Variants in SLC4A10 observed in about 807,000 individuals in gnomAD.
The protein encoded by SLC4A10 is sodium-driven chloride bicarbonate exchanger.
A neutral mutation model predicts 137.7 loss-of-function variants in SLC4A10; 42 were observed. The ratio of observed to expected loss-of-function variants is 0.30; its 90% CI spans 0.24 to 0.39. The LOEUF (loss-of-function observed/expected upper bound fraction) is 0.39, where lower values mean the gene tolerates loss of function less well. Ranked by LOEUF, SLC4A10 falls within the 10% of genes least tolerant of loss-of-function variation. The probability of loss-of-function intolerance (pLI) is 1.00; values close to 1 mark genes in which losing one functional copy is unlikely to be tolerated. For synonymous variants in SLC4A10, 474 were observed against 464.1 expected, an observed-to-expected ratio of 1.02 and a Z score of -0.27; for missense variants, 925 against 1,355.0, an observed-to-expected ratio of 0.68 and a Z score of 4.98.
chr2:161,646,971 T>C (rs1264045875), intron 1 of SLC4A10, among the ~76,000 whole-genome samples: 1 of 152,070 alleles, frequency 6.6e-6, no homozygotes, highest in Non-Finnish European at 1.5e-5. Context: ...TCCTCATTTA[T>C]TCGCAGTTCT....
chr2:161,738,792 G>A (rs1336634841), intron 1 of SLC4A10, among the ~76,000 whole-genome samples: 10 of 152,050 alleles, frequency 6.6e-5, no homozygotes, highest in Non-Finnish European at 1.5e-4. Flanking sequence ...ATTAGGTTTA[G>A]CCACTGTGCT....
intron 3 of SLC4A10, among the ~76,000 whole-genome samples, chr2:161,823,524 C>T (rs573759811): frequency 1.3e-5 from 2 of 152,314 alleles, no homozygotes; most frequent in South Asian, 2.1e-4. Context: ...AATATAACCA[C>T]GGAACCCGTA....
intron 16 of SLC4A10, 132 bp from the exon 17 acceptor site, chr2:161,947,434 T>C: frequency 1.1e-6 from 1 of 892,566 alleles, no homozygotes; most frequent in Non-Finnish European, 1.6e-6. Flanking sequence ...TAATGCCTGC[T>C]AAATCATTGT....
chr2:161,722,950 C>T (rs553883019), intron 1 of SLC4A10, among the ~76,000 whole-genome samples: 1 of 152,306 alleles, frequency 6.6e-6, no homozygotes, highest in South Asian at 2.1e-4. Flanking sequence ...GCAGTCTGGC[C>T]ACAATCTGCC....
rs768619828 is a variant in SLC4A10 at position 161,950,719 on chromosome 2, G to T, written c.2412G>T (p.Thr804=). Residue 804 remains threonine (T), a synonymous_variant, in exon 19 of 27, where the codon ACG becomes ACT. Coordinates refer to ENST00000446997, the MANE Select transcript of SLC4A10 (RefSeq NM_001178015.2). ...PTRDDRGWFV[T]PLGPNPWWTV... ...GAGATGATCGTGGCTGGTTTGTTAC[G>T]CCTTTAGGTCCAAACCCATGGTGGA... 6.3e-7 allele frequency: 1 copy of T among 1,592,570 alleles called. No homozygotes were observed. Among genetic ancestry groups the T allele is most frequent in the Non-Finnish European group, 8.6e-7 (1 of 1,168,536 alleles).
At chr2:161,897,436 A>C (rs1035491263) in intron 11 of SLC4A10, among the ~76,000 whole-genome samples, 1 of 152,002 alleles carries the variant, frequency 6.6e-6, no homozygotes, top group East Asian at 1.9e-4. Context: ...GGTCTAATTG[A>C]CCCAGCCCTG....
intron 1 of SLC4A10, among the ~76,000 whole-genome samples, chr2:161,756,299 C>T (rs1257773341): frequency 6.6e-6 from 1 of 151,852 alleles, no homozygotes; most frequent in Non-Finnish European, 1.5e-5. Flanking sequence ...ATCTAAGTTG[C>T]CAATATGAGA....
intron 1 of SLC4A10, chr2:161,651,125 C>G (rs1210074132): frequency 6.5e-6 from 1 of 152,774 alleles, no homozygotes; most frequent in Non-Finnish European, 1.5e-5. Context: ...CCTCCGGACT[C>G]AGCCAGACTC....
At chr2:161,820,071 G>A (rs2057486318) in intron 3 of SLC4A10, among the ~76,000 whole-genome samples, 1 of 151,786 alleles carries the variant, frequency 6.6e-6, no homozygotes, top group Admixed American at 6.6e-5. Context: ...AAAAGATACA[G>A]ACTATTAAAC....
At chr2:161,954,495 G>T (rs1350311627) in intron 19 of SLC4A10, among the ~76,000 whole-genome samples, 2 of 152,168 alleles carry the variant, frequency 1.3e-5, no homozygotes, top group African/African-American at 2.4e-5. Context: ...ACAGAAATAT[G>T]TTAGAAGGTG....
intron 1 of SLC4A10, among the ~76,000 whole-genome samples, chr2:161,641,256 C>A (rs2035285695): frequency 6.6e-6 from 1 of 152,106 alleles, no homozygotes; most frequent in Non-Finnish European, 1.5e-5. Flanking sequence ...TATGTACTTT[C>A]ATTTATGTCA....
intron 2 of SLC4A10, among the ~76,000 whole-genome samples, chr2:161,803,415 T>C (rs2055583755): frequency 6.6e-6 from 1 of 152,168 alleles, no homozygotes; most frequent in Non-Finnish European, 1.5e-5. Context: ...CTCTGTGTTA[T>C]ACAGTTCTAT....
intron 2 of SLC4A10, among the ~76,000 whole-genome samples, chr2:161,791,998 A>G (rs1168024822): frequency 1.3e-5 from 2 of 152,164 alleles, no homozygotes; most frequent in Non-Finnish European, 2.9e-5. Context: ...GGTCCTGGTT[A>G]TACATTTTAC....
At chr2:161,880,784 G>A (rs542330744) in intron 9 of SLC4A10, among the ~76,000 whole-genome samples, 1 of 152,190 alleles carries the variant, frequency 6.6e-6, no homozygotes, top group Admixed American at 6.6e-5. Context: ...AGTCCTCCAA[G>A]CAGTGCATTT....
chr2:161,843,325 A>G (rs2059302855), intron 4 of SLC4A10, among the ~76,000 whole-genome samples: 1 of 152,184 alleles, frequency 6.6e-6, no homozygotes, highest in African/African-American at 2.4e-5. Context: ...ACTCAATAAC[A>G]TGTTTGTCCT....
chr2:161,630,943 A>T (rs2033432697), intron 1 of SLC4A10, among the ~76,000 whole-genome samples: 1 of 151,802 alleles, frequency 6.6e-6, no homozygotes, highest in Non-Finnish European at 1.5e-5. Context: ...TAATTAAACA[A>T]TAAAAAAGAA....
chr2:161,848,247 GATTT>G (rs1553587413), intron 4 of SLC4A10, among the ~76,000 whole-genome samples: 1 of 151,812 alleles, frequency 6.6e-6, no homozygotes, highest in Non-Finnish European at 1.5e-5. Flanking sequence ...TTTGCTTGTT[GATTT>G]ATTTGAGTTC....
At chr2:161,905,922 T>G in intron 15 of SLC4A10, 35 bp downstream of exon 15, 1 of 1,544,204 alleles carries the variant, frequency 6.5e-7, no homozygotes, top group African/African-American at 1.4e-5. Context: ...CTTGGGGCTT[T>G]TCTTTTGACA....
At chr2:161,628,020 A>G (rs920437067) in intron 1 of SLC4A10, among the ~76,000 whole-genome samples, 3 of 152,134 alleles carry the variant, frequency 2.0e-5, no homozygotes, top group African/African-American at 7.2e-5. Flanking sequence ...TGATATGGAT[A>G]TATATGGAGA....
Sources: gnomAD v4.1 joint callset for allele counts (sites outside exome capture counted in the v4.1 genomes callset) on GRCh38, gnomAD v4.1.1 for gene constraint, MANE v1.5 for transcripts, NCBI Gene and HGNC (gene_info 2026-07-23, HGNC 2026-07-21) for gene names.